Variants in INIP observed in about 807,000 individuals in gnomAD.
INIP encodes the protein INTS3 and NABP interacting protein, also known as SOSS complex subunit C.
A neutral mutation model predicts 14.0 loss-of-function variants in INIP; 9 were observed. The ratio of observed to expected loss-of-function variants is 0.64; its 90% CI spans 0.39 to 1.12. The LOEUF is 1.12. INIP is among the 50% of genes most tolerant of loss of function. The pLI, the probability that INIP is intolerant of heterozygous loss-of-function variation, is 0.01. For synonymous variants in INIP, 37 were observed against 41.5 expected, an observed-to-expected ratio of 0.89 and a Z score of 0.41; for missense variants, 78 against 122.7, an observed-to-expected ratio of 0.64 and a Z score of 1.72.
At chr9:112,694,690 G>A (rs981819435) in intron 2 of INIP, among the ~76,000 whole-genome samples, 1 of 151,960 alleles carries the variant, frequency 6.6e-6, no homozygotes, top group African/African-American at 2.4e-5. Flanking sequence ...TTTCATGGGG[G>A]GAAAAAGCAG....
chr9:112,700,557 TTATATAA>T (rs1240491641), intron 2 of INIP, among the ~76,000 whole-genome samples: 21 of 147,140 alleles, frequency 1.4e-4, no homozygotes, highest in South Asian at 2.1e-4. Flanking sequence ...CCTAATTATA[TTATATAA>T]TATATAATAT....
intron 2 of INIP, among the ~76,000 whole-genome samples, chr9:112,695,307 T>C (rs1395441599): frequency 2.1e-5 from 3 of 140,024 alleles, no homozygotes; most frequent in African/African-American, 8.1e-5. Context: ...GAGACTGGAA[T>C]CATTAGGCCA....
chr9:112,699,556 G>C (rs181386474), intron 2 of INIP, among the ~76,000 whole-genome samples: 4 of 152,120 alleles, frequency 2.6e-5, no homozygotes, highest in Non-Finnish European at 5.9e-5. Flanking sequence ...ATCTCTTACT[G>C]TGTCTAATTT....
chr9:112,716,422 G>A (rs753612146), intron 2 of INIP, 39 bp downstream of exon 2: 9 of 1,569,070 alleles, frequency 5.7e-6, no homozygotes, highest in Middle Eastern at 1.7e-4. Context: ...TACTATATTG[G>A]GGAAATGTTC....
At chr9:112,712,951 C>T (rs955722500) in intron 2 of INIP, among the ~76,000 whole-genome samples, 64 of 152,210 alleles carry the variant, frequency 4.2e-4, no homozygotes, top group African/African-American at 1.3e-3. Flanking sequence ...AGAGATAATC[C>T]TAAAAGCAGC....
intron 2 of INIP, among the ~76,000 whole-genome samples, chr9:112,706,208 T>C (rs1838463120): frequency 6.6e-6 from 1 of 152,164 alleles, no homozygotes; most frequent in African/African-American, 2.4e-5. Context: ...ATAACAAACA[T>C]TGGCAAGGAT....
At chr9:112,689,024 C>T (rs552487229) in intron 4 of INIP, among the ~76,000 whole-genome samples, 24 of 152,118 alleles carry the variant, frequency 1.6e-4, no homozygotes, top group African/African-American at 5.8e-4. Flanking sequence ...CTATTTATTA[C>T]TCTGAAGAGT....
rs1037725926 is a variant in INIP, at chr9:112,684,986, C to G, written c.*2552G>C. ...ACCTTGCTCTGCACGTGGAGCAGCT[C>G]TTCCTTCCCTTGTCAGGTAAAAATC... On this transcript the variant is annotated 3_prime_UTR_variant, in exon 5 of 5. Coordinates refer to ENST00000374242, the MANE Select transcript of INIP (RefSeq NM_021218.3). The G allele has an allele frequency of 3.3e-5, 5 of 152,336 alleles. No homozygotes were observed. Among genetic ancestry groups the G allele is most frequent in the African/African-American group, 1.2e-4 (5 of 41,462 alleles). The allele number at this position is 152,336 out of a possible 1,614,324, so 9.4% of individuals were successfully genotyped here.
At position 112,687,273 on chromosome 9, in the gene INIP, TCA is replaced by T. The variant is rs1170069951; in HGVS notation, c.*263_*264del. On this transcript the variant is annotated 3_prime_UTR_variant, in exon 5 of 5. Coordinates refer to ENST00000374242, the MANE Select transcript of INIP (RefSeq NM_021218.3). Reference sequence around the variant, plus strand: ...GGGAATGACTTCGTGACCATCCAGTTCACAGTCTGATTGAGAGTTAAACAGCA... The same window carrying T: ...GGGAATGACTTCGTGACCATCCAGTTCAGTCTGATTGAGAGTTAAACAGCA... The T allele has an allele frequency of 2.0e-5, 6 of 298,418 alleles. No homozygotes were observed. The highest frequency in any genetic ancestry group is 3.8e-5 in the Non-Finnish European group (6 of 158,574). 18.5% of individuals were successfully genotyped at this position (298,418 alleles called of 1,614,324 possible).
At chr9:112,699,323 TA>T (rs1564230865) in intron 2 of INIP, among the ~76,000 whole-genome samples, 1 of 151,290 alleles carries the variant, frequency 6.6e-6, no homozygotes, top group Non-Finnish European at 1.5e-5. Flanking sequence ...AAAAAAAAAA[TA>T]ACAAAATTTT....
intron 2 of INIP, among the ~76,000 whole-genome samples, chr9:112,709,217 T>G (rs1415458674): frequency 6.6e-6 from 1 of 152,082 alleles, no homozygotes; most frequent in East Asian, 1.9e-4. Context: ...TCACAGGCCC[T>G]TTTCATTTAA....
intron 2 of INIP, among the ~76,000 whole-genome samples, chr9:112,698,303 C>CAAA (rs755265359): frequency 0.026 from 1,152 of 43,628 alleles, 79 homozygotes; most frequent in Non-Finnish European, 0.031. Flanking sequence ...GACTCTGTCT[C>CAAA]AAAAAAAAAA....
At chr9:112,701,949 A>C (rs1450637913) in intron 2 of INIP, 1 of 152,084 alleles carries the variant, frequency 6.6e-6, no homozygotes, top group Non-Finnish European at 1.5e-5. Flanking sequence ...AGTCCCAACT[A>C]CTTGGGAGGA....
At chr9:112,704,206 T>G (rs891417741) in intron 2 of INIP, among the ~76,000 whole-genome samples, 3 of 152,138 alleles carry the variant, frequency 2.0e-5, no homozygotes, top group Non-Finnish European at 4.4e-5. Flanking sequence ...TACAGCAATA[T>G]GTATTTTTAA....
intron 2 of INIP, among the ~76,000 whole-genome samples, chr9:112,707,643 A>G (rs967966519): frequency 1.3e-5 from 2 of 152,140 alleles, no homozygotes; most frequent in Non-Finnish European, 2.9e-5. Context: ...TTAAAGACTA[A>G]CTGAAATTCT....
chr9:112,697,418 T>C (rs898773763), intron 2 of INIP, among the ~76,000 whole-genome samples: 1 of 152,132 alleles, frequency 6.6e-6, no homozygotes, highest in Non-Finnish European at 1.5e-5. Flanking sequence ...AGACCTTATG[T>C]CTACAAAAAA....
In INIP at chr9:112,715,773, C is replaced by CA. The variant is rs767866943; in HGVS notation, c.25+687dup. Among the ~76,000 whole-genome samples the CA allele has an allele frequency of 8.9e-3, 952 of 107,508 alleles. 7 individuals are homozygous for CA. The highest frequency in any genetic ancestry group is 0.019 in the African/African-American group (553 of 28,396). 70.5% of individuals were successfully genotyped at this position (107,508 alleles called of 152,430 possible). ...GGGCAACAAGAGCGAAATTCCATCT[C>CA]AAAAAAAAAAAAAAAGTATTTTATT... On this transcript the variant is annotated intron_variant, in intron 2 of 4. Transcript: ENST00000374242.
chr9:112,698,569 T>TAA (rs890459254), intron 2 of INIP, among the ~76,000 whole-genome samples: 11 of 152,204 alleles, frequency 7.2e-5, no homozygotes, highest in African/African-American at 1.7e-4. Flanking sequence ...ACAAGTCCAC[T>TAA]GATTTAGAGA....
intron 2 of INIP, among the ~76,000 whole-genome samples, chr9:112,716,190 A>G (rs1838809459): frequency 1.3e-5 from 2 of 152,070 alleles, no homozygotes; most frequent in African/African-American, 4.8e-5. Flanking sequence ...CTCCTGCCTC[A>G]GCCTCCCTAG....
Sources: gnomAD v4.1 joint callset for allele counts (sites outside exome capture counted in the v4.1 genomes callset) on GRCh38, gnomAD v4.1.1 for gene constraint, MANE v1.5 for transcripts, NCBI Gene and HGNC (gene_info 2026-07-23, HGNC 2026-07-21) for gene names.